Variants in PCDHGB4 observed in about 807,000 individuals in gnomAD.
PCDHGB4 encodes protocadherin gamma subfamily B, 4.
In PCDHGB4, 38 loss-of-function variants were observed where a neutral mutation model predicts 60.5. The ratio of observed to expected loss-of-function variants is 0.63; its 90% confidence interval spans 0.48 to 0.82. PCDHGB4 has a LOEUF of 0.82. Among genes scored for constraint, PCDHGB4 ranks in the 40% least tolerant of loss-of-function variants. The probability of loss-of-function intolerance (pLI) is 0.00; values close to 1 mark genes in which losing one functional copy is unlikely to be tolerated. For synonymous variants in PCDHGB4, 456 were observed against 509.7 expected, an observed-to-expected ratio of 0.89 and a Z score of 1.42; for missense variants, 1,109 against 1,209.6, an observed-to-expected ratio of 0.92 and a Z score of 1.23.
chr5:141,444,363 G>A (rs1292799006), intron 1 of PCDHGB4, among the ~76,000 whole-genome samples: 1 of 151,772 alleles, frequency 6.6e-6, no homozygotes, highest in Non-Finnish European at 1.5e-5. Context: ...TAGAGACGGG[G>A]TTTCTCCATG....
intron 1 of PCDHGB4, chr5:141,414,447 C>A (rs2095748360): frequency 1.2e-6 from 2 of 1,613,848 alleles, no homozygotes; most frequent in East Asian, 2.2e-5. Flanking sequence ...CTTACAATAT[C>A]ACAGTGACAG....
intron 1 of PCDHGB4, among the ~76,000 whole-genome samples, chr5:141,474,250 A>G (rs2099346141): frequency 6.6e-6 from 1 of 152,236 alleles, no homozygotes; most frequent in East Asian, 1.9e-4. Flanking sequence ...GGGGAAAAAA[A>G]GACTGATAAA....
Position 141,505,374 on chromosome 5 carries a change from C to T in PCDHGB4, c.2457-19C>T. The T allele has an allele frequency of 2.5e-6, 4 of 1,614,004 alleles. No homozygotes were observed. Among genetic ancestry groups the T allele is most frequent in the Non-Finnish European group, 2.5e-6 (3 of 1,179,944 alleles). On this transcript the variant is annotated intron_variant, in intron 2 of 3. Coordinates refer to ENST00000519479, the MANE Select transcript of PCDHGB4 (RefSeq NM_003736.4). Reference sequence around the variant, plus strand: ...TGCCGGCCTGGGAGTCTGTGCTCACCATCCTACTCTCTCCCCAGCTCCCAA... The same window carrying T: ...TGCCGGCCTGGGAGTCTGTGCTCACTATCCTACTCTCTCCCCAGCTCCCAA...
chr5:141,393,603 G>C, intron 1 of PCDHGB4: 1 of 1,613,928 alleles, frequency 6.2e-7, no homozygotes, highest in East Asian at 2.2e-5. Flanking sequence ...GCTGCTTACT[G>C]TAACAGCCAG....
chr5:141,430,639 A>C, intron 1 of PCDHGB4: 6 of 900,712 alleles, frequency 6.7e-6, no homozygotes, highest in Non-Finnish European at 9.7e-6. Context: ...CATCCCTGGG[A>C]GTATGTGGAA....
At chr5:141,440,093 GA>G (rs2098151022) in intron 1 of PCDHGB4, 1 of 152,302 alleles carries the variant, frequency 6.6e-6, no homozygotes, top group Non-Finnish European at 1.5e-5. Context: ...TCTAAGTGGG[GA>G]AAGTGGAGAC....
chr5:141,422,541 T>C (rs1389095817), intron 1 of PCDHGB4: 1 of 1,613,992 alleles, frequency 6.2e-7, no homozygotes. Context: ...CAGAAACTCA[T>C]GTCTGGCTGA....
intron 1 of PCDHGB4, chr5:141,413,476 G>A: frequency 6.2e-7 from 1 of 1,614,122 alleles, no homozygotes; most frequent in Non-Finnish European, 8.5e-7. Context: ...GGAGCTCTGC[G>A]CTCAGAGCGC....
chr5:141,407,158 G>A (rs2094893881), intron 1 of PCDHGB4, among the ~76,000 whole-genome samples: 1 of 152,166 alleles, frequency 6.6e-6, no homozygotes, highest in African/African-American at 2.4e-5. Flanking sequence ...AAGTGTCTGG[G>A]AATCCTTTAT....
chr5:141,403,626 C>T, intron 1 of PCDHGB4: 1 of 1,613,910 alleles, frequency 6.2e-7, no homozygotes, highest in Non-Finnish European at 8.5e-7. Context: ...CGCTCCAGCA[C>T]AGTGCGCATC....
At chr5:141,422,592 C>T (rs2096658264) in intron 1 of PCDHGB4, 1 of 1,614,090 alleles carries the variant, frequency 6.2e-7, no homozygotes. Flanking sequence ...TTTTTCCTCA[C>T]TCCTCTTACT....
chr5:141,432,601 G>C lies in PCDHGB4; in HGVS notation c.2397+42320G>C. The C allele has an allele frequency of 6.2e-7, 1 of 1,613,952 alleles. No homozygotes were observed. The highest frequency in any genetic ancestry group is 8.5e-7 in the Non-Finnish European group (1 of 1,179,984). On this transcript the variant is annotated intron_variant, in intron 1 of 3. Coordinates refer to ENST00000519479, the MANE Select transcript of PCDHGB4 (RefSeq NM_003736.4). The surrounding 1 kb of genome is among the most constrained non-coding windows in gnomAD (Gnocchi z 6.0). ...ACCGTCTGCTCAAGGCCAGCGAGCC[G>C]GGACTCTTCTCGGTGGGTCTGCACA...
intron 1 of PCDHGB4, among the ~76,000 whole-genome samples, chr5:141,459,838 A>G (rs944807247): frequency 6.6e-6 from 1 of 152,098 alleles, no homozygotes; most frequent in Non-Finnish European, 1.5e-5. Flanking sequence ...TGTGTTGTCT[A>G]TTTGTATATC....
At chr5:141,414,704 C>A (rs778708386) in intron 1 of PCDHGB4, 8 of 1,614,036 alleles carry the variant, frequency 5.0e-6, no homozygotes, top group Non-Finnish European at 5.9e-6. Flanking sequence ...TCATACATAT[C>A]CATCAACTCA....
At position 141,393,513 on chromosome 5, in the gene PCDHGB4, G is replaced by A. The variant is rs376672994; in HGVS notation, c.2397+3232G>A. The A allele has an allele frequency of 6.6e-5, 107 of 1,614,000 alleles. 1 individual carries two copies. In the Middle Eastern group the frequency reaches 1.3e-3, roughly 20 times the overall value. ...AGTGCGCATCCACGTGACAGTGTTG[G>A]ATACAAATGACAATGCCCCGGTTTT... On this transcript the variant is annotated intron_variant, in intron 1 of 3. Transcript: ENST00000519479.
At position 141,489,800 on chromosome 5, in the gene PCDHGB4, A is replaced by T. The variant is rs2099692478; in HGVS notation, c.2398-5007A>T. 1 of 1,614,166 alleles carries T rather than the reference A, an allele frequency of 6.2e-7. No homozygotes were observed. Among genetic ancestry groups the T allele is most frequent in the Non-Finnish European group, 8.5e-7 (1 of 1,179,994 alleles). On this transcript the variant is annotated intron_variant, in intron 1 of 3. Coordinates refer to ENST00000519479, the MANE Select transcript of PCDHGB4 (RefSeq NM_003736.4). This position sits in a 1 kb window ranked among gnomAD's most constrained non-coding sequence, Gnocchi z 4.5. ...TCTCTGAATGTGAAGACCCTAAAAG[A>T]TGGGAAGCCATTCCCAGAGCTGGTG...
intron 2 of PCDHGB4, among the ~76,000 whole-genome samples, chr5:141,504,572 A>G (rs184273457): frequency 6.7e-6 from 1 of 148,962 alleles, no homozygotes; most frequent in Admixed American, 6.9e-5. Flanking sequence ...TCTAGGGAAC[A>G]CCATCTGCCC....
At chr5:141,425,392 A>G (rs2096872216) in intron 1 of PCDHGB4, among the ~76,000 whole-genome samples, 1 of 152,232 alleles carries the variant, frequency 6.6e-6, no homozygotes, top group African/African-American at 2.4e-5. Flanking sequence ...GGTAGTGATA[A>G]AGTTCTGTTA....
intron 1 of PCDHGB4, chr5:141,398,582 T>A: frequency 6.2e-7 from 1 of 1,614,000 alleles, no homozygotes. Context: ...GGCACAAGAT[T>A]TATACTAGAA....
Sources: allele counts gnomAD v4.1 joint callset (sites outside exome capture counted in the v4.1 genomes callset), GRCh38; gene constraint gnomAD v4.1.1; non-coding constraint Gnocchi (gnomAD v3.1); transcripts MANE v1.5; gene names NCBI Gene and HGNC (gene_info 2026-07-23, HGNC 2026-07-21).